FAAH2: variants seen among roughly 807,000 people sequenced by gnomAD.
FAAH2 encodes the protein fatty-acid amide hydrolase 2.
FAAH2 carries 60 observed loss-of-function variants against 36.9 expected under a neutral mutation model. That is an observed-to-expected ratio of 1.63 (90% CI 1.32 to 2.02). The LOEUF is 2.02. Ranked by LOEUF, FAAH2 falls within the 30% of genes most tolerant of loss-of-function variation. FAAH2 has a pLI of 0.00. For missense variants in FAAH2, 689 were observed against 397.5 expected, an observed-to-expected ratio of 1.73 and a Z score of -6.23; for synonymous variants, 214 against 143.8, an observed-to-expected ratio of 1.49 and a Z score of -3.49.
At chrX:57,382,349 G>A (rs1467432958) in intron 7 of FAAH2, among the ~76,000 whole-genome samples, 1 of 111,086 alleles carries the variant, frequency 9.0e-6, no homozygotes, top group Non-Finnish European at 1.9e-5. Flanking sequence ...AGGAGATAGA[G>A]ACATAAAAAA....
rs749377190 is a variant in FAAH2, at chrX:57,457,789, A to C, written c.1423+9071A>C. Reference sequence around the variant, plus strand: ...AGAACTGCAAAACACAGCTAAAAGAAATCAGAGGTAACACAAATAAATGGG... The same window carrying C: ...AGAACTGCAAAACACAGCTAAAAGACATCAGAGGTAACACAAATAAATGGG... On this transcript the variant is annotated intron_variant, in intron 10 of 10. Coordinates refer to ENST00000374900, the MANE Select transcript of FAAH2 (RefSeq NM_174912.4). Among the ~76,000 whole-genome samples the C allele has an allele frequency of 2.7e-5, 3 of 110,596 alleles. No individual in the cohort carries two copies. In the South Asian group the frequency reaches 1.2e-3, roughly 43 times the overall value.
chrX:57,346,968 A>G (rs1205958995), intron 5 of FAAH2, among the ~76,000 whole-genome samples: 5 of 110,623 alleles, frequency 4.5e-5, no homozygotes, highest in African/African-American at 1.6e-4. Context: ...AAGTGACATG[A>G]CCTTTTCCCT....
At chrX:57,436,897 C>G (rs2056422009) in intron 8 of FAAH2, among the ~76,000 whole-genome samples, 2 of 111,113 alleles carry the variant, frequency 1.8e-5, no homozygotes, top group South Asian at 7.5e-4. Flanking sequence ...CACTATCACC[C>G]TGATACCAAA....
intron 7 of FAAH2, among the ~76,000 whole-genome samples, chrX:57,383,427 C>T (rs1384649016): frequency 8.9e-6 from 1 of 111,915 alleles, no homozygotes; most frequent in African/African-American, 3.3e-5. Context: ...TAGAAAACTC[C>T]ATCTTCTCAG....
the FAAH2 span, among the ~76,000 whole-genome samples, chrX:57,184,249 G>C: frequency 9.0e-6 from 1 of 111,558 alleles, no homozygotes; most frequent in Non-Finnish European, 1.9e-5. Flanking sequence ...TGTGATCTTT[G>C]TTAGACCCTT....
At chrX:57,324,685 G>T (rs1356610833) in intron 3 of FAAH2, among the ~76,000 whole-genome samples, 2 of 112,100 alleles carry the variant, frequency 1.8e-5, no homozygotes, top group African/African-American at 6.5e-5. Context: ...TTTGCACATT[G>T]ATTTTATATC....
At chrX:57,471,573 C>CT (rs1343553898) in intron 10 of FAAH2, among the ~76,000 whole-genome samples, 2 of 111,713 alleles carry the variant, frequency 1.8e-5, no homozygotes, top group Non-Finnish European at 3.8e-5. Context: ...CTACAAACCA[C>CT]TGCTCAACGA....
chrX:57,316,053 T>G (rs2052828298), intron 3 of FAAH2, among the ~76,000 whole-genome samples: 1 of 111,451 alleles, frequency 9.0e-6, no homozygotes, highest in African/African-American at 3.3e-5. Flanking sequence ...TTTAGCAAGG[T>G]TTCAGAATAC....
intron 2 of FAAH2, among the ~76,000 whole-genome samples, chrX:57,301,607 TATAATA>T (rs200729067): frequency 0.022 from 2,251 of 100,190 alleles, 37 homozygotes; most frequent in African/African-American, 0.051. Context: ...AAACTTAAAG[TATAATA>T]ATAATAATAA....
intron 1 of FAAH2, 97 bp from the exon 2 acceptor site, chrX:57,292,401 A>G: frequency 1.3e-6 from 1 of 782,397 alleles, no homozygotes; most frequent in Non-Finnish European, 1.9e-6. Context: ...AGTGTCTCAA[A>G]AAATGATTAA....
At chrX:57,407,286 T>C (rs772616261) in intron 7 of FAAH2, among the ~76,000 whole-genome samples, 1 of 112,035 alleles carries the variant, frequency 8.9e-6, no homozygotes, top group South Asian at 3.7e-4. Context: ...AAAACCTTTA[T>C]GGCACCTTCC....
At chrX:57,316,462 C>A (rs1238749634) in intron 3 of FAAH2, among the ~76,000 whole-genome samples, 1 of 111,571 alleles carries the variant, frequency 9.0e-6, no homozygotes. Flanking sequence ...CACACTACCC[C>A]ACTTAAAACT....
At chrX:57,405,999 G>C (rs911846538) in intron 7 of FAAH2, among the ~76,000 whole-genome samples, 1 of 109,385 alleles carries the variant, frequency 9.1e-6, no homozygotes, top group Non-Finnish European at 1.9e-5. Flanking sequence ...GATGTCCTTT[G>C]GGGGTGTCAA....
intron 7 of FAAH2, among the ~76,000 whole-genome samples, chrX:57,412,664 A>G (rs2055730815): frequency 8.9e-6 from 1 of 111,969 alleles, no homozygotes; most frequent in Admixed American, 9.5e-5. Context: ...TGCTACTGTG[A>G]ACAGTGCTGC....
At chrX:57,306,762 C>A (rs7878477) in intron 2 of FAAH2, among the ~76,000 whole-genome samples, 32,951 of 91,827 alleles carry the variant, frequency 0.36, 5,838 homozygotes, top group Middle Eastern at 0.58. Context: ...TATGTATACA[C>A]TATATATATA....
intron 4 of FAAH2, among the ~76,000 whole-genome samples, chrX:57,339,441 C>A (rs903581783): frequency 2.7e-5 from 3 of 111,864 alleles, no homozygotes; most frequent in South Asian, 3.7e-4. Flanking sequence ...CAAGCCTCTG[C>A]AAAGCAAAAT....
chrX:57,301,589 G>T (rs2052371577), intron 2 of FAAH2, among the ~76,000 whole-genome samples: 1 of 91,454 alleles, frequency 1.1e-5, no homozygotes, highest in African/African-American at 4.0e-5. Context: ...TTGTGCACAT[G>T]TACCCTAAAA....
At chrX:57,284,340 C>T (rs1363412046), upstream of FAAH2, among the ~76,000 whole-genome samples, 2 of 111,583 alleles carry the variant, frequency 1.8e-5, no homozygotes, top group Non-Finnish European at 3.8e-5. Context: ...TGCCACTGCA[C>T]TCCAGTGGCG....
At chrX:57,395,408 A>G (rs980357751) in intron 7 of FAAH2, 10 of 707,356 alleles carry the variant, frequency 1.4e-5, no homozygotes, top group Non-Finnish European at 2.2e-5. Context: ...TGCTGGTGCC[A>G]TGGCCTTTAT....
Sources: gnomAD v4.1 joint callset for allele counts (sites outside exome capture counted in the v4.1 genomes callset) on GRCh38, gnomAD v4.1.1 for gene constraint, MANE v1.5 for transcripts, NCBI Gene and HGNC (gene_info 2026-07-23, HGNC 2026-07-21) for gene names.